TRIP13: variants seen among roughly 807,000 people sequenced by gnomAD.
The protein encoded by TRIP13 is pachytene checkpoint protein 2 homolog.
In TRIP13, 25 loss-of-function variants were observed where a neutral mutation model predicts 54.4. The observed-to-expected ratio is 0.46, with a 90% CI of 0.33 to 0.64. TRIP13 has a LOEUF of 0.64. Ranked by LOEUF, TRIP13 falls within the 30% of genes least tolerant of loss-of-function variation. TRIP13 has a pLI of 0.02. For synonymous variants in TRIP13, 207 were observed against 207.8 expected (o/e 1.00, Z 0.03); for missense variants, 373 against 534.2 (o/e 0.70, Z 2.97).
At chr5:893,662 C>G in intron 1 of TRIP13, 1 of 160,910 alleles carries the variant, frequency 6.2e-6, no homozygotes, top group Non-Finnish European at 1.4e-5. Flanking sequence ...GGGAACTCAG[C>G]GGCGGGGCCA....
Position 912,384 on chromosome 5 carries a change from C to T in TRIP13, c.1020+388C>T, listed in dbSNP as rs959713129. Among the ~76,000 whole-genome samples, 1 of 152,014 alleles carries T rather than the reference C, an allele frequency of 6.6e-6. No homozygotes were observed. Among genetic ancestry groups the T allele is most frequent in the African/African-American group, 2.4e-5 (1 of 41,374 alleles). ...TACCTGAAAGAGGAAACATCACGGG[C>T]GTAGTATGGGCCTGGTTTTGGTCAC... On this transcript the variant is annotated intron_variant, in intron 10 of 12. Coordinates refer to ENST00000166345, the MANE Select transcript of TRIP13 (RefSeq NM_004237.4). The surrounding 1 kb of genome is among the most constrained non-coding windows in gnomAD (Gnocchi z 7.2).
chr5:912,429 G>A lies in TRIP13; in HGVS notation c.1020+433G>A, dbSNP rs1754255731. 6.6e-6 allele frequency among the ~76,000 whole-genome samples: 1 copy of A among 152,100 alleles called. No individual in the cohort carries two copies. Reference sequence around the variant, plus strand: ...GGTCACGGGGTCCACATGACGTCACGTTCTTGAGTCGCCTGTTGTGATGAT... The same window carrying A: ...GGTCACGGGGTCCACATGACGTCACATTCTTGAGTCGCCTGTTGTGATGAT... On this transcript the variant is annotated intron_variant, in intron 10 of 12. Coordinates refer to ENST00000166345, the MANE Select transcript of TRIP13 (RefSeq NM_004237.4). The surrounding 1 kb of genome is among the most constrained non-coding windows in gnomAD (Gnocchi z 7.2).
At chr5:914,389 C>A (rs1754300575) in intron 10 of TRIP13, 76 bp from the exon 11 acceptor site, 3 of 971,998 alleles carry the variant, frequency 3.1e-6, no homozygotes, top group African/African-American at 1.6e-5. Flanking sequence ...CCTGCAGGTG[C>A]TGTCCCTCTT....
chr5:896,673 T>G lies in TRIP13; in HGVS notation c.267T>G (p.Asp89Glu), dbSNP rs1753922325. The G allele has an allele frequency of 2.5e-6, 4 of 1,608,776 alleles. No individual in the cohort carries two copies. The South Asian group carries it at 4.4e-5, about 18-fold the overall frequency. Reference sequence around the variant, plus strand: ...CTTTTCCCTCATTTTAGCCCATCGATTTGAGTGCATGCACTGTTGCACTTC... The same window carrying G: ...CTTTTCCCTCATTTTAGCCCATCGAGTTGAGTGCATGCACTGTTGCACTTC... ...ELKVKDSQPI[D>E]LSACTVALHI... Residue 89 changes from aspartate to glutamate, a missense_variant, in exon 3 of 13, where the codon GAT becomes GAG. Asp to Glu is a conservative substitution (Grantham distance 45). Around this residue, in one of 4 missense-constraint regions of TRIP13, gnomAD observed 151 missense variants for 151.9 expected, o/e 0.99. Transcript: ENST00000166345.
intron 12 of TRIP13, 142 bp downstream of exon 12, chr5:916,115 C>A: frequency 1.2e-6 from 1 of 849,386 alleles, no homozygotes; most frequent in Non-Finnish European, 1.9e-6. Flanking sequence ...GGAGGAGGAG[C>A]TGACCTTGGC....
chr5:910,390 C>T (rs1258414763), intron 9 of TRIP13, among the ~76,000 whole-genome samples: 2 of 152,174 alleles, frequency 1.3e-5, no homozygotes, highest in African/African-American at 4.8e-5. Flanking sequence ...TTCAGCATAG[C>T]TCAGGGTTCT....
In TRIP13 at chr5:911,814, CTG is replaced by C; in HGVS notation, c.867-26_867-25del. ...ATTGGGTCACCGACAGCCGTGATGA[CTG>C]TGGTGCTTGCTTCTCGGCCACAACA... On this transcript the variant is annotated intron_variant, in intron 9 of 12. Coordinates refer to ENST00000166345, the MANE Select transcript of TRIP13 (RefSeq NM_004237.4). The surrounding 1 kb of genome is among the most constrained non-coding windows in gnomAD (Gnocchi z 4.7). The C allele has an allele frequency of 1.3e-6, 2 of 1,598,782 alleles. No homozygotes were observed. Among genetic ancestry groups the C allele is most frequent in the Non-Finnish European group, 1.7e-6 (2 of 1,172,150 alleles).
chr5:904,272 G>T, intron 6 of TRIP13, 52 bp downstream of exon 6: 2 of 1,498,978 alleles, frequency 1.3e-6, no homozygotes, highest in South Asian at 1.2e-5. Flanking sequence ...GATTTATAAC[G>T]GGAGGTTGTT....
chr5:911,120 T>A lies in TRIP13; in HGVS notation c.867-723T>A, dbSNP rs1372838575. Among the ~76,000 whole-genome samples, 1 of 152,218 alleles carries A rather than the reference T, an allele frequency of 6.6e-6. No homozygotes were observed. Among genetic ancestry groups the A allele is most frequent in the Admixed American group, 6.5e-5 (1 of 15,288 alleles). On this transcript the variant is annotated intron_variant, in intron 9 of 12. Coordinates refer to ENST00000166345, the MANE Select transcript of TRIP13 (RefSeq NM_004237.4). This position sits in a 1 kb window ranked among gnomAD's most constrained non-coding sequence, Gnocchi z 4.7. ...AACAGACCAGACAACAGGGGCTCTC[T>A]CTATGGAGTTTAGACGCTAGAGGGG...
intron 2 of TRIP13, 52 bp downstream of exon 2, chr5:895,004 T>G: frequency 6.5e-7 from 1 of 1,532,534 alleles, no homozygotes; most frequent in Non-Finnish European, 8.8e-7. Flanking sequence ...TACAAAAGGT[T>G]GTATCATGAA....
chr5:912,223 T>G lies in TRIP13; in HGVS notation c.1020+227T>G, dbSNP rs1470844234. ...TCTTTTGGCACAATACAGTCATCAT[T>G]GTTCATTATTTGAGGTACCAGTCAG... On this transcript the variant is annotated intron_variant, in intron 10 of 12. Transcript: ENST00000166345. The surrounding 1 kb of genome is among the most constrained non-coding windows in gnomAD (Gnocchi z 7.2). Among the ~76,000 whole-genome samples the G allele has an allele frequency of 6.6e-6, 1 of 152,148 alleles. No individual in the cohort carries two copies. Among genetic ancestry groups the G allele is most frequent in the South Asian group, 2.1e-4 (1 of 4,820 alleles).
intron 12 of TRIP13, 41 bp from the exon 13 acceptor site, chr5:916,967 C>T (rs191110747): frequency 8.2e-6 from 13 of 1,593,164 alleles, no homozygotes; most frequent in Admixed American, 6.9e-5. Flanking sequence ...CCCCACCAAA[C>T]GTGAGTTGAG....
At chr5:916,756 C>CA (rs1344784150) in intron 12 of TRIP13, among the ~76,000 whole-genome samples, 1 of 152,182 alleles carries the variant, frequency 6.6e-6, no homozygotes, top group East Asian at 1.9e-4. Context: ...CTGCCCACCC[C>CA]CGCAGCTGTT....
At position 914,517 on chromosome 5, in the gene TRIP13, T is replaced by C; in HGVS notation, c.1073T>C (p.Met358Thr). 2 of 1,613,574 alleles carry C rather than the reference T, an allele frequency of 1.2e-6. No individual in the cohort carries two copies. The highest frequency in any genetic ancestry group is 1.7e-6 in the Non-Finnish European group (2 of 1,179,896). Residue 358 changes from methionine to threonine, a missense_variant, in exon 11 of 13, where the codon ATG (methionine) becomes ACG (threonine). By Grantham distance (81) the Met-to-Thr change is moderately conservative. Coordinates refer to ENST00000166345, the MANE Select transcript of TRIP13 (RefSeq NM_004237.4). ...CTGCTGACCCTCCGAGAGCTAGAGA[T>C]GATTGGCTTCATTGAAAACAACGTG... is the stretch of plus-strand genomic sequence containing the variant. ...QQLLTLRELE[M>T]IGFIENNVSK...
intron 6 of TRIP13, among the ~76,000 whole-genome samples, chr5:906,903 T>TA (rs1580056500): frequency 6.6e-6 from 1 of 152,260 alleles, no homozygotes; most frequent in East Asian, 1.9e-4. Context: ...TGGGAGTTTT[T>TA]ACTCTTTAAC....
At chr5:900,626 T>G in intron 4 of TRIP13, 77 bp downstream of exon 4, 1 of 1,508,552 alleles carries the variant, frequency 6.6e-7, no homozygotes. Flanking sequence ...CCAACACCCC[T>G]GAGCAACTTG....
chr5:894,707 T>C, intron 1 of TRIP13, 80 bp from the exon 2 acceptor site: 2 of 1,480,802 alleles, frequency 1.4e-6, no homozygotes, highest in East Asian at 2.3e-5. Context: ...ATGTATTGTC[T>C]GAGTTTTTCA....
chr5:904,233 A>G lies in TRIP13; in HGVS notation c.608+13A>G. 6.2e-7 allele frequency: 1 copy of G among 1,603,618 alleles called. No individual in the cohort carries two copies. The highest frequency in any genetic ancestry group is 8.5e-7 in the Non-Finnish European group (1 of 1,176,300). ...GACTTTCAAGCAGGTAACTTTCGGTAATCTGTGAGAGGAGAGCCATGGGAA... is the reference window on the plus strand; with the variant it reads ...GACTTTCAAGCAGGTAACTTTCGGTGATCTGTGAGAGGAGAGCCATGGGAA... On this transcript the variant is annotated intron_variant, in intron 6 of 12. Coordinates refer to ENST00000166345, the MANE Select transcript of TRIP13 (RefSeq NM_004237.4).
chr5:892,921 G>T lies in TRIP13; in HGVS notation c.-78G>T. The T allele has an allele frequency of 7.5e-7, 1 of 1,327,484 alleles. No individual in the cohort carries two copies. The highest frequency in any genetic ancestry group is 9.9e-7 in the Non-Finnish European group (1 of 1,012,970). 82.2% of individuals were successfully genotyped at this position (1,327,484 alleles called of 1,614,324 possible). Reference sequence around the variant, plus strand: ...AGGGCGGGGCCCGCGGGCTGAGGCAGCGGCTGTGGCGGCGACGCTGGGCGT... The same window carrying T: ...AGGGCGGGGCCCGCGGGCTGAGGCATCGGCTGTGGCGGCGACGCTGGGCGT... On this transcript the variant is annotated 5_prime_UTR_variant, in exon 1 of 13. Transcript: ENST00000166345.
Sources: allele counts gnomAD v4.1 joint callset (sites outside exome capture counted in the v4.1 genomes callset), GRCh38; gene constraint gnomAD v4.1.1; regional missense constraint gnomAD v4.1.1; non-coding constraint Gnocchi (gnomAD v3.1); transcripts MANE v1.5; gene names NCBI Gene and HGNC (gene_info 2026-07-23, HGNC 2026-07-21).